Variants in NEDD4L observed in about 807,000 individuals in gnomAD.
The protein encoded by NEDD4L is NEDD4 like E3 ubiquitin protein ligase.
NEDD4L carries 54 observed loss-of-function variants against 148.9 expected under a neutral mutation model. The observed-to-expected ratio is 0.36, with a 90% CI of 0.29 to 0.45. The LOEUF (loss-of-function observed/expected upper bound fraction) is 0.45, where lower values mean the gene tolerates loss of function less well. NEDD4L is among the 20% of genes least tolerant of loss of function. The probability of loss-of-function intolerance (pLI) is 1.00; values close to 1 mark genes in which losing one functional copy is unlikely to be tolerated. For synonymous variants in NEDD4L, 433 were observed against 440.7 expected, an observed-to-expected ratio of 0.98 and a Z score of 0.22; for missense variants, 856 against 1,233.8, an observed-to-expected ratio of 0.69 and a Z score of 4.59.
chr18:58,085,642 A>C (rs2083723898), intron 1 of NEDD4L, among the ~76,000 whole-genome samples: 1 of 152,214 alleles, frequency 6.6e-6, no homozygotes, highest in South Asian at 2.1e-4. Flanking sequence ...ATGGGGAATT[A>C]GGTAAATGAA....
rs1259121797 is a variant in NEDD4L, at chr18:58,372,845, AAAGAG to A, written c.2257-327_2257-323del. Among the ~76,000 whole-genome samples the A allele has an allele frequency of 4.2e-4, 58 of 137,268 alleles. 1 individual carries two copies. The highest frequency in any genetic ancestry group is 4.3e-4 in the Admixed American group (6 of 14,112). 90.1% of individuals were successfully genotyped at this position (137,268 alleles called of 152,430 possible). ...ATCTCAAAAACAAAAAAAAAAAAAA[AAAGAG>A]AGAGAGAAAAGAAAGTATACTTATG... On this transcript the variant is annotated intron_variant, in intron 23 of 30. Transcript: ENST00000400345.
At chr18:58,247,049 CAAA>C (rs894204991) in intron 3 of NEDD4L, among the ~76,000 whole-genome samples, 1 of 151,982 alleles carries the variant, frequency 6.6e-6, no homozygotes, top group Non-Finnish European at 1.5e-5. Flanking sequence ...AAAAAAAACC[CAAA>C]AAACAAAACA....
intron 16 of NEDD4L, 132 bp downstream of exon 16, chr18:58,343,235 C>T (rs1238788688): frequency 1.1e-5 from 7 of 617,126 alleles, no homozygotes; most frequent in African/African-American, 7.6e-5. Flanking sequence ...AGGGTCTCCT[C>T]AGCCTGCATC....
At chr18:58,278,992 C>G (rs2052583920) in intron 5 of NEDD4L, among the ~76,000 whole-genome samples, 1 of 152,150 alleles carries the variant, frequency 6.6e-6, no homozygotes, top group African/African-American at 2.4e-5. Context: ...CTGCCTCAGC[C>G]TCCCAAGTAG....
intron 6 of NEDD4L, among the ~76,000 whole-genome samples, chr18:58,316,236 G>T (rs938603801): frequency 6.6e-6 from 1 of 152,156 alleles, no homozygotes; most frequent in Non-Finnish European, 1.5e-5. Context: ...AGTCAAGGGT[G>T]CCTGAGTCGT....
chr18:58,279,871 C>T (rs1436816068), intron 5 of NEDD4L, among the ~76,000 whole-genome samples: 1 of 152,168 alleles, frequency 6.6e-6, no homozygotes, highest in East Asian at 1.9e-4. Flanking sequence ...CACAAATAAG[C>T]ATTATACACT....
intron 1 of NEDD4L, among the ~76,000 whole-genome samples, chr18:58,117,644 G>A (rs2085936740): frequency 6.6e-6 from 1 of 152,196 alleles, no homozygotes; most frequent in Admixed American, 6.5e-5. Flanking sequence ...GGAGGTGTGG[G>A]CACCTGTATA....
At chr18:58,201,620 AGTTTAT>A (rs755355582) in intron 2 of NEDD4L, among the ~76,000 whole-genome samples, 3 of 152,186 alleles carry the variant, frequency 2.0e-5, no homozygotes, top group East Asian at 1.9e-4. Flanking sequence ...CTTGATACAC[AGTTTAT>A]GTTTATGTTT....
At position 58,256,494 on chromosome 18, in the gene NEDD4L, C is replaced by T. The variant is rs1176179002; in HGVS notation, c.297+4440C>T. 4 of 1,232,288 alleles carry T rather than the reference C, an allele frequency of 3.2e-6. No homozygotes were observed. Among genetic ancestry groups the T allele is most frequent in the Non-Finnish European group, 4.0e-6 (4 of 988,056 alleles). The allele number at this position is 1,232,288 out of a possible 1,614,324, so 76.3% of individuals were successfully genotyped here. A position where few individuals can be genotyped will look rare whatever the true frequency, so the allele number is the denominator to read the frequency against. Reference sequence around the variant, plus strand: ...CGCATTCGGCTGGAGAGGAGCACCTCGTACCCCACGCAGCCCCGAAGCGAG... The same window carrying T: ...CGCATTCGGCTGGAGAGGAGCACCTTGTACCCCACGCAGCCCCGAAGCGAG... On this transcript the variant is annotated intron_variant, in intron 5 of 30. Transcript: ENST00000400345. The surrounding 1 kb of genome is among the most constrained non-coding windows in gnomAD (Gnocchi z 5.2).
At chr18:58,094,905 A>C (rs2084294218) in intron 1 of NEDD4L, among the ~76,000 whole-genome samples, 1 of 152,082 alleles carries the variant, frequency 6.6e-6, no homozygotes, top group South Asian at 2.1e-4. Context: ...GCACTTAAAA[A>C]AAAAAAAAAA....
chr18:58,213,298 A>G (rs1165921309), intron 2 of NEDD4L, among the ~76,000 whole-genome samples: 3 of 152,218 alleles, frequency 2.0e-5, no homozygotes, highest in African/African-American at 7.2e-5. Flanking sequence ...TTATTGTACC[A>G]TTATAGTGGC....
intron 1 of NEDD4L, among the ~76,000 whole-genome samples, chr18:58,050,764 A>T (rs919403972): frequency 2.6e-5 from 4 of 152,174 alleles, no homozygotes; most frequent in Non-Finnish European, 4.4e-5. Context: ...TAAAAATAAA[A>T]AATAAAAAAA....
chr18:58,114,340 TAA>T lies in NEDD4L; in HGVS notation c.49-51441_49-51440del, dbSNP rs747426397. On this transcript the variant is annotated intron_variant, in intron 1 of 30. Transcript: ENST00000400345. ...TGCTTTTGGAATCCATTGGGAGATT[TAA>T]AAAAAATATATATATATATACACAC... Among the ~76,000 whole-genome samples, 1,385 of 150,012 alleles carry T rather than the reference TAA, an allele frequency of 9.2e-3. 17 individuals carry two copies. Among genetic ancestry groups the T allele is most frequent in the African/African-American group, 0.032 (1,309 of 40,674 alleles).
At chr18:58,077,159 G>A (rs1245495452) in intron 1 of NEDD4L, among the ~76,000 whole-genome samples, 1 of 117,154 alleles carries the variant, frequency 8.5e-6, no homozygotes, top group Non-Finnish European at 1.7e-5. Flanking sequence ...CCTCATAACG[G>A]CTTTTTTTTT....
intron 2 of NEDD4L, among the ~76,000 whole-genome samples, chr18:58,197,442 G>A (rs1434121736): frequency 6.6e-6 from 1 of 152,074 alleles, no homozygotes; most frequent in African/African-American, 2.4e-5. Flanking sequence ...GTTTGCTTCT[G>A]CTCCTTCCTT....
intron 30 of NEDD4L, among the ~76,000 whole-genome samples, chr18:58,395,192 A>G (rs1338973525): frequency 6.6e-6 from 1 of 152,182 alleles, no homozygotes; most frequent in Non-Finnish European, 1.5e-5. Flanking sequence ...GCAAGTGTGC[A>G]TGCCATTTTC....
intron 2 of NEDD4L, among the ~76,000 whole-genome samples, chr18:58,204,666 G>C (rs750236166): frequency 6.6e-6 from 1 of 152,134 alleles, no homozygotes; most frequent in Non-Finnish European, 1.5e-5. Context: ...AGGTCATGAC[G>C]CATGGGAATT....
intron 2 of NEDD4L, among the ~76,000 whole-genome samples, chr18:58,225,242 T>G (rs1336838203): frequency 6.6e-6 from 1 of 152,190 alleles, no homozygotes; most frequent in Non-Finnish European, 1.5e-5. Context: ...TTTAGAGATA[T>G]TGCCATTAAA....
intron 2 of NEDD4L, among the ~76,000 whole-genome samples, chr18:58,218,110 A>G (rs570612800): frequency 4.6e-5 from 7 of 152,328 alleles, no homozygotes; most frequent in African/African-American, 1.7e-4. Flanking sequence ...CCTGTTTTGA[A>G]TGAAATCAGT....
Sources: allele counts gnomAD v4.1 joint callset (sites outside exome capture counted in the v4.1 genomes callset), GRCh38; gene constraint gnomAD v4.1.1; non-coding constraint Gnocchi (gnomAD v3.1); transcripts MANE v1.5; gene names NCBI Gene and HGNC (gene_info 2026-07-23, HGNC 2026-07-21).